The following GSE1 variants were observed in gnomAD, a reference collection of about 807,000 sequenced individuals.
The protein encoded by GSE1 is genetic suppressor element 1.
Under a neutral mutation model 112.6 loss-of-function variants are expected in GSE1, and 32 were observed. The observed-to-expected ratio is 0.28, with a 90% CI of 0.21 to 0.38. The LOEUF is 0.38. Ranked by LOEUF, GSE1 falls within the 10% of genes least tolerant of loss-of-function variation. GSE1 has a pLI of 1.00. For missense variants in GSE1, 2,348 were observed against 1,699.2 expected, an observed-to-expected ratio of 1.38 and a Z score of -6.71; for synonymous variants, 1,115 against 735.6, an observed-to-expected ratio of 1.52 and a Z score of -8.35.
intron 1 of GSE1, among the ~76,000 whole-genome samples, chr16:85,263,526 C>T (rs967603061): frequency 3.8e-4 from 57 of 151,822 alleles, no homozygotes; most frequent in Middle Eastern, 3.4e-3. Flanking sequence ...TCTTCTACCT[C>T]GGGGGCACCT....
chr16:85,655,066 T>A, intron 5 of GSE1, 75 bp downstream of exon 5: 1 of 961,492 alleles, frequency 1.0e-6, no homozygotes, highest in Non-Finnish European at 1.6e-6. Flanking sequence ...GCGGGGAAGG[T>A]GTTTCTTATG....
rs201947010 is a variant in GSE1, at chr16:85,666,356, G to A, written c.3130+9G>A. 1,976 of 1,613,154 alleles carry A rather than the reference G, an allele frequency of 1.2e-3. 15 individuals carry two copies. The highest frequency in any genetic ancestry group is 1.3e-3 in the Non-Finnish European group (1,563 of 1,179,986). ...CCTGCAGAAGCATAAAGGTAATGAGGCTGCCAGTCCCTGCTCAGCTCTCGG... is the reference window on the plus strand; with the variant it reads ...CCTGCAGAAGCATAAAGGTAATGAGACTGCCAGTCCCTGCTCAGCTCTCGG... On this transcript the variant is annotated intron_variant, in intron 13 of 15. Coordinates refer to ENST00000253458, the MANE Select transcript of GSE1 (RefSeq NM_014615.5).
At chr16:85,469,845 GGATTAGGGACACCAC>G (rs1329058462) in intron 2 of GSE1, among the ~76,000 whole-genome samples, 5 of 152,236 alleles carry the variant, frequency 3.3e-5, no homozygotes, top group Non-Finnish European at 7.3e-5. Flanking sequence ...TAACCTCAGA[GGATTAGGGACACCAC>G]GAGTGGGAGG....
intron 1 of GSE1, among the ~76,000 whole-genome samples, chr16:85,272,148 C>G (rs915829921): frequency 6.6e-6 from 1 of 152,198 alleles, no homozygotes; most frequent in Non-Finnish European, 1.5e-5. Flanking sequence ...CACGCAGGCC[C>G]GAGGAAGCCT....
chr16:85,208,533 C>T (rs966138662), intron 1 of GSE1, among the ~76,000 whole-genome samples: 5 of 152,254 alleles, frequency 3.3e-5, no homozygotes, highest in Non-Finnish European at 5.9e-5. Flanking sequence ...CACCTGTCCC[C>T]TTTCACATGA....
intron 1 of GSE1, among the ~76,000 whole-genome samples, chr16:85,570,654 G>T (rs545288992): frequency 1.3e-5 from 2 of 152,354 alleles, no homozygotes; most frequent in Admixed American, 1.3e-4. Flanking sequence ...GAATAGGAAC[G>T]CAAATAGCCC....
At chr16:85,643,300 C>A (rs529945061) in intron 2 of GSE1, among the ~76,000 whole-genome samples, 1 of 152,106 alleles carries the variant, frequency 6.6e-6, no homozygotes, top group African/African-American at 2.4e-5. Flanking sequence ...TCCAGCCACG[C>A]GGTGAGAATG....
chr16:85,590,256 GTGAA>G (rs1470802236), intron 1 of GSE1, among the ~76,000 whole-genome samples: 1 of 152,086 alleles, frequency 6.6e-6, no homozygotes, highest in African/African-American at 2.4e-5. Flanking sequence ...GGGCCCGCGT[GTGAA>G]TGAGTGTGAA....
chr16:85,348,543 C>T (rs945346413), intron 1 of GSE1, among the ~76,000 whole-genome samples: 1 of 152,182 alleles, frequency 6.6e-6, no homozygotes, highest in African/African-American at 2.4e-5. Context: ...GGCCACTGCC[C>T]ATCCATGAAA....
chr16:85,635,296 AG>A (rs2049897263), intron 2 of GSE1, among the ~76,000 whole-genome samples: 2 of 152,070 alleles, frequency 1.3e-5, no homozygotes, highest in African/African-American at 2.4e-5. Flanking sequence ...CCGTACCACC[AG>A]GGGGCAGCCC....
At chr16:85,434,910 C>T (rs567382395) in intron 2 of GSE1, among the ~76,000 whole-genome samples, 1 of 152,354 alleles carries the variant, frequency 6.6e-6, no homozygotes, top group African/African-American at 2.4e-5. Flanking sequence ...CTGGGGTGGG[C>T]CCCTGTGGTC....
chr16:85,399,938 A>G (rs1158107598), intron 2 of GSE1, among the ~76,000 whole-genome samples: 21 of 152,164 alleles, frequency 1.4e-4, no homozygotes, highest in Admixed American at 1.4e-3. Context: ...ACACCCAGCT[A>G]CAGGGGGCTG....
chr16:85,626,245 ATTGCT>A lies in GSE1; in HGVS notation c.8-7665_8-7661del, dbSNP rs566948026. Among the ~76,000 whole-genome samples, 6 of 152,264 alleles carry A rather than the reference ATTGCT, an allele frequency of 3.9e-5. No individual in the cohort carries two copies. The South Asian group carries it at 6.2e-4, about 16-fold the overall frequency. Reference sequence around the variant, plus strand: ...TCCCTTGCCTCCACCCCCAAGAAAAATTGCTTTGTGCCACTGAGCTTGGAGCACGT... The same window carrying A: ...TCCCTTGCCTCCACCCCCAAGAAAAATTGTGCCACTGAGCTTGGAGCACGT... On this transcript the variant is annotated intron_variant, in intron 1 of 15. Coordinates refer to ENST00000253458, the MANE Select transcript of GSE1 (RefSeq NM_014615.5).
intron 2 of GSE1, among the ~76,000 whole-genome samples, chr16:85,403,539 C>G (rs1208248385): frequency 6.6e-6 from 1 of 152,096 alleles, no homozygotes; most frequent in Non-Finnish European, 1.5e-5. Context: ...CCTGAAATCC[C>G]AGCACTTTGG....
intron 2 of GSE1, among the ~76,000 whole-genome samples, chr16:85,358,214 G>A (rs2046993130): frequency 1.3e-5 from 2 of 152,210 alleles, no homozygotes; most frequent in South Asian, 4.1e-4. Flanking sequence ...CCTGAGGCCA[G>A]GCGAGGCTGT....
chr16:85,226,899 C>T (rs2075498057), intron 1 of GSE1, among the ~76,000 whole-genome samples: 1 of 151,850 alleles, frequency 6.6e-6, no homozygotes, highest in Admixed American at 6.6e-5. Context: ...ACTTTGCAGG[C>T]TCTTCATCTG....
chr16:85,188,535 C>A (rs2074756137), intron 1 of GSE1, among the ~76,000 whole-genome samples: 1 of 151,992 alleles, frequency 6.6e-6, no homozygotes, highest in South Asian at 2.1e-4. Flanking sequence ...TAGGGGAGGC[C>A]AGGCACAGTG....
chr16:85,401,997 C>T (rs1317837817), intron 2 of GSE1, among the ~76,000 whole-genome samples: 1 of 152,236 alleles, frequency 6.6e-6, no homozygotes, highest in Non-Finnish European at 1.5e-5. Flanking sequence ...TGAGGGACAG[C>T]AGCTGCGCTC....
At chr16:85,412,907 A>G (rs2048612858) in intron 2 of GSE1, among the ~76,000 whole-genome samples, 1 of 152,220 alleles carries the variant, frequency 6.6e-6, no homozygotes, top group Non-Finnish European at 1.5e-5. Flanking sequence ...GCCGTGATCC[A>G]GCCCACCCCA....
Sources: gnomAD v4.1 joint callset for allele counts (sites outside exome capture counted in the v4.1 genomes callset) on GRCh38, gnomAD v4.1.1 for gene constraint, MANE v1.5 for transcripts, NCBI Gene and HGNC (gene_info 2026-07-23, HGNC 2026-07-21) for gene names.